The following PLCH1 variants were observed in gnomAD, a reference collection of about 807,000 sequenced individuals.
The protein encoded by PLCH1 is 1-phosphatidylinositol 4,5-bisphosphate phosphodiesterase eta-1.
PLCH1 carries 60 observed loss-of-function variants against 126.7 expected under a neutral mutation model. That is an observed-to-expected ratio of 0.47 (90% CI 0.38 to 0.59). The LOEUF is 0.59. Ranked by LOEUF, PLCH1 falls within the 20% of genes least tolerant of loss-of-function variation. The pLI is 0.00. For synonymous variants in PLCH1, 719 were observed against 734.9 expected (o/e 0.98, Z 0.35); for missense variants, 1,723 against 2,040.0 (o/e 0.84, Z 2.99).
At chr3:155,543,610 C>A (rs193043227) in intron 10 of PLCH1, among the ~76,000 whole-genome samples, 156 of 151,890 alleles carry the variant, frequency 1.0e-3, no homozygotes, top group African/African-American at 3.3e-3. Flanking sequence ...GTTGAAATGA[C>A]GGAAAAAATG....
intron 2 of PLCH1, among the ~76,000 whole-genome samples, chr3:155,613,352 C>CA (rs35926888): frequency 6.0e-4 from 91 of 151,110 alleles, no homozygotes; most frequent in Non-Finnish European, 1.0e-3. Flanking sequence ...ACACCAACAA[C>CA]AAAAAAAAAC....
At chr3:155,700,250 G>A (rs1295182793) in intron 2 of PLCH1, among the ~76,000 whole-genome samples, 1 of 152,100 alleles carries the variant, frequency 6.6e-6, no homozygotes, top group Non-Finnish European at 1.5e-5. Context: ...CTAGGTCTGT[G>A]GCCAGGAAGG....
chr3:155,539,936 G>A (rs953984023), intron 10 of PLCH1, among the ~76,000 whole-genome samples: 1 of 151,952 alleles, frequency 6.6e-6, no homozygotes, highest in Non-Finnish European at 1.5e-5. Flanking sequence ...CCCAAGGCAA[G>A]ACTAAGCAAA....
In PLCH1 at chr3:155,596,324, C is replaced by T. The variant is rs200022055; in HGVS notation, c.134G>A (p.Arg45His). 1.9e-5 allele frequency: 31 copies of T among 1,613,690 alleles called. No homozygotes were observed. In the African/African-American group the frequency reaches 2.4e-4, roughly 12 times the overall value. ...QSGTQMIKLKRGTKGLVRLFY... is the reference protein window; with the variant it reads ...QSGTQMIKLKHGTKGLVRLFY... ...GAGGCGGACAAGCCCTTTGGTTCCA[C>T]GTTTCAGCTTGATCATCTGTGTCCC... The change falls in exon 3 of 23, where the codon CGT (arginine) becomes CAT (histidine). Residue 45 changes from arginine (R) to histidine (H), a missense_variant. By Grantham distance (29) the Arg-to-His change is conservative (BLOSUM62 0). Coordinates refer to ENST00000460012, the MANE Select transcript of PLCH1 (RefSeq NM_014996.4).
intron 1 of PLCH1, among the ~76,000 whole-genome samples, chr3:155,715,945 A>G (rs2109119531): frequency 6.6e-6 from 1 of 151,970 alleles, no homozygotes; most frequent in South Asian, 2.1e-4. Flanking sequence ...TCTTTTTCTA[A>G]CCTTCTAATT....
intron 1 of PLCH1, 50 bp from the exon 2 acceptor site, chr3:155,704,314 C>T (rs927601662): frequency 1.4e-4 from 62 of 455,228 alleles, no homozygotes; most frequent in Admixed American, 4.0e-4. Flanking sequence ...GGCAGCCACA[C>T]GCTCACACTG....
chr3:155,727,480 T>C (rs1265639871), intron 1 of PLCH1, among the ~76,000 whole-genome samples: 1 of 151,250 alleles, frequency 6.6e-6, no homozygotes, highest in Admixed American at 6.6e-5. Flanking sequence ...CTCCCCCTCC[T>C]GGGCTCAAGC....
At chr3:155,643,162 T>C (rs1739604706) in intron 2 of PLCH1, among the ~76,000 whole-genome samples, 2 of 152,308 alleles carry the variant, frequency 1.3e-5, no homozygotes, top group South Asian at 2.1e-4. Flanking sequence ...TTGGCCAGGC[T>C]GGTCTCGAAC....
chr3:155,574,994 G>T (rs1729731046), intron 6 of PLCH1, among the ~76,000 whole-genome samples: 1 of 152,024 alleles, frequency 6.6e-6, no homozygotes, highest in Non-Finnish European at 1.5e-5. Context: ...AGCCAGGTAT[G>T]GTGGCGGGCA....
In PLCH1 at chr3:155,683,226, T is replaced by C. The variant is rs190227038; in HGVS notation, c.79+20920A>G. Among the ~76,000 whole-genome samples, 13 of 152,344 alleles carry C rather than the reference T, an allele frequency of 8.5e-5. No homozygotes were observed. The Middle Eastern group carries it at 0.017, about 199-fold the overall frequency. On this transcript the variant is annotated intron_variant, in intron 2 of 22. Coordinates refer to ENST00000460012, the MANE Select transcript of PLCH1 (RefSeq NM_014996.4). The stretch of plus-strand genomic sequence containing the variant: ...GCCTCTTTGAACGCTGCCTGCTTGA[T>C]GACTTATTGATCTCCCCTTCGAGAC...
chr3:155,524,976 C>T (rs1437845222), intron 10 of PLCH1, among the ~76,000 whole-genome samples: 1 of 151,986 alleles, frequency 6.6e-6, no homozygotes, highest in African/African-American at 2.4e-5. Flanking sequence ...ATGTTTGTAC[C>T]ACTGCACTCC....
chr3:155,643,735 T>C (rs1040052543), intron 2 of PLCH1, among the ~76,000 whole-genome samples: 2 of 152,272 alleles, frequency 1.3e-5, no homozygotes, highest in African/African-American at 4.8e-5. Context: ...TCATGTCTGG[T>C]GTTGCCCATC....
chr3:155,557,263 T>A (rs1035437579), intron 8 of PLCH1, among the ~76,000 whole-genome samples: 2 of 152,248 alleles, frequency 1.3e-5, no homozygotes, highest in Non-Finnish European at 2.9e-5. Flanking sequence ...AAATAATATA[T>A]AATTTTAACA....
intron 1 of PLCH1, chr3:155,743,353 G>T (rs1749752351): frequency 2.5e-6 from 1 of 395,904 alleles, no homozygotes; most frequent in Non-Finnish European, 4.9e-6. Flanking sequence ...CCAATATGGT[G>T]AAACCCCGTC....
Position 155,456,335 on chromosome 3 carries a change from T to TAAA in PLCH1, c.2938+29018_2938+29020dup, listed in dbSNP as rs10626251. Among the ~76,000 whole-genome samples the TAAA allele has an allele frequency of 4.0e-3, 545 of 136,114 alleles. 6 individuals are homozygous for TAAA. The highest frequency in any genetic ancestry group is 0.021 in the East Asian group (100 of 4,690). The allele number at this position is 136,114 out of a possible 152,430, so 89.3% of individuals were successfully genotyped here. On this transcript the variant is annotated intron_variant, in intron 21 of 21. Transcript: ENST00000494598. The stretch of plus-strand genomic sequence containing the variant: ...CTAACACTAATGATAGCTAATGAGC[T>TAAA]AAAAAAAAAAAAAAAAATCTCATAA...
At chr3:155,506,412 T>C (rs1014683220) in intron 12 of PLCH1, among the ~76,000 whole-genome samples, 11 of 150,874 alleles carry the variant, frequency 7.3e-5, no homozygotes, top group African/African-American at 2.7e-4. Flanking sequence ...GCAGGTTAGT[T>C]ACATATGTAT....
chr3:155,626,186 T>G (rs1179746944), intron 2 of PLCH1, among the ~76,000 whole-genome samples: 1 of 144,058 alleles, frequency 6.9e-6, no homozygotes, highest in Non-Finnish European at 1.5e-5. Flanking sequence ...TGAGAACACA[T>G]GGACACAGTG....
intron 4 of PLCH1, 29 bp from the exon 5 acceptor site, chr3:155,586,223 G>A (rs746578304): frequency 2.5e-6 from 4 of 1,608,532 alleles, no homozygotes; most frequent in Non-Finnish European, 3.4e-6. Flanking sequence ...AAACACCTGT[G>A]CTCTCATCAA....
intron 1 of PLCH1, among the ~76,000 whole-genome samples, chr3:155,715,722 C>G (rs1045462302): frequency 6.6e-6 from 1 of 150,696 alleles, no homozygotes; most frequent in African/African-American, 2.4e-5. Flanking sequence ...AAGGGATCCT[C>G]ATGCCTCAGC....
Sources: gnomAD v4.1 joint callset for allele counts (sites outside exome capture counted in the v4.1 genomes callset) on GRCh38, gnomAD v4.1.1 for gene constraint, MANE v1.5 for transcripts, NCBI Gene and HGNC (gene_info 2026-07-23, HGNC 2026-07-21) for gene names.